The following CSMD1 variants were observed in gnomAD, a reference collection of about 807,000 sequenced individuals.
CSMD1 encodes CUB and sushi domain-containing protein 1.
In CSMD1, 213 loss-of-function variants were observed where a neutral mutation model predicts 417.5. The ratio of observed to expected loss-of-function variants is 0.51; its 90% CI spans 0.46 to 0.57. The LOEUF (loss-of-function observed/expected upper bound fraction) is 0.57, where lower values mean the gene tolerates loss of function less well. Ranked by LOEUF, CSMD1 falls within the 20% of genes least tolerant of loss-of-function variation. CSMD1 has a pLI of 0.00. For synonymous variants in CSMD1, 2,862 were observed against 1,736.8 expected (o/e 1.65, Z -16.11); for missense variants, 6,923 against 4,529.7 (o/e 1.53, Z -15.17).
chr8:4,782,530 A>T (rs1423798713), intron 1 of CSMD1, among the ~76,000 whole-genome samples: 1 of 152,168 alleles, frequency 6.6e-6, no homozygotes, highest in Admixed American at 6.6e-5. Flanking sequence ...CAAAACCATA[A>T]ATATGCTCTA....
At chr8:3,500,407 G>C (rs910826654) in intron 10 of CSMD1, among the ~76,000 whole-genome samples, 19 of 152,102 alleles carry the variant, frequency 1.2e-4, no homozygotes, top group South Asian at 4.1e-4. Flanking sequence ...TGGAGCTTGG[G>C]AGAGGTTCAC....
chr8:4,159,558 T>C (rs899713123), intron 3 of CSMD1, among the ~76,000 whole-genome samples: 27 of 152,282 alleles, frequency 1.8e-4, no homozygotes, highest in African/African-American at 5.1e-4. Context: ...GAATTAATGG[T>C]ATTCACAGCA....
intron 10 of CSMD1, chr8:3,515,142 G>A (rs1416022084): frequency 3.9e-5 from 6 of 152,104 alleles, no homozygotes; most frequent in Admixed American, 2.6e-4. Context: ...TTGAATACAT[G>A]CGAAGGATCA....
intron 1 of CSMD1, among the ~76,000 whole-genome samples, chr8:4,921,161 G>T (rs779962073): frequency 2.0e-5 from 3 of 151,994 alleles, no homozygotes; most frequent in African/African-American, 7.2e-5. Flanking sequence ...TGATGATTAT[G>T]ATGGTGATTT....
At chr8:4,012,001 G>A (rs940039880) in intron 4 of CSMD1, among the ~76,000 whole-genome samples, 1 of 150,404 alleles carries the variant, frequency 6.6e-6, no homozygotes, top group Non-Finnish European at 1.5e-5. Context: ...CTGTTATACT[G>A]TATTGTTTAG....
chr8:4,624,221 C>A (rs17417225), intron 2 of CSMD1, among the ~76,000 whole-genome samples: 36,922 of 151,960 alleles, frequency 0.24, 4,741 homozygotes, highest in Middle Eastern at 0.35. Flanking sequence ...GTCTAAAGCC[C>A]CTGATAACGT....
intron 3 of CSMD1, among the ~76,000 whole-genome samples, chr8:4,315,824 A>C (rs560087370): frequency 6.6e-5 from 10 of 152,278 alleles, no homozygotes; most frequent in Admixed American, 6.5e-4. Flanking sequence ...TATTCTTCAG[A>C]AGCGTTTTCA....
intron 1 of CSMD1, among the ~76,000 whole-genome samples, chr8:4,774,015 G>C (rs144527458): frequency 6.6e-6 from 1 of 152,038 alleles, no homozygotes; most frequent in Admixed American, 6.6e-5. Context: ...GGCCAACATG[G>C]TGAAACCCCA....
At chr8:3,408,424 T>C (rs575770908) in intron 13 of CSMD1, among the ~76,000 whole-genome samples, 199 bp from the exon 14 acceptor site, 48 of 152,288 alleles carry the variant, frequency 3.2e-4, no homozygotes, top group African/African-American at 1.1e-3. Context: ...CATTATCATA[T>C]AGAGCACAAC....
chr8:4,280,412 A>C (rs2128858993), intron 3 of CSMD1, among the ~76,000 whole-genome samples: 1 of 152,370 alleles, frequency 6.6e-6, no homozygotes, highest in African/African-American at 2.4e-5. Flanking sequence ...TCTGACAATT[A>C]AATTTTAGTA....
chr8:3,165,581 G>A lies in CSMD1; in HGVS notation c.5726-3304C>T, dbSNP rs563613282. 2.9e-3 allele frequency among the ~76,000 whole-genome samples: 442 copies of A among 151,946 alleles called. 1 individual carries two copies. The highest frequency in any genetic ancestry group is 5.1e-3 in the African/African-American group (210 of 41,456). On this transcript the variant is annotated intron_variant, in intron 37 of 69. Coordinates refer to ENST00000635120, the MANE Select transcript of CSMD1 (RefSeq NM_033225.6). ...TGAGTAGCTGGGACTACAGGTGCCC[G>A]CCACCACGCCCGGCTAATTTTTTTA... is the stretch of plus-strand genomic sequence containing the variant.
At chr8:3,403,669 G>C (rs1307345692) in intron 15 of CSMD1, among the ~76,000 whole-genome samples, 1 of 152,170 alleles carries the variant, frequency 6.6e-6, no homozygotes, top group African/African-American at 2.4e-5. Flanking sequence ...ACAGAGATGA[G>C]AGTGTAGTGT....
chr8:4,418,547 G>A (rs746642101), intron 3 of CSMD1, among the ~76,000 whole-genome samples: 1 of 152,156 alleles, frequency 6.6e-6, no homozygotes, highest in African/African-American at 2.4e-5. Context: ...TTTCTAAAAT[G>A]TGGAAGCATT....
chr8:3,116,294 G>A (rs764161655), intron 42 of CSMD1, among the ~76,000 whole-genome samples: 2 of 152,006 alleles, frequency 1.3e-5, no homozygotes, highest in African/African-American at 2.4e-5. Flanking sequence ...TTAGGTTTAC[G>A]AGTACTGGTA....
chr8:4,421,432 G>T (rs1438194), intron 2 of CSMD1, among the ~76,000 whole-genome samples: 20,842 of 151,944 alleles, frequency 0.14, 1,591 homozygotes, highest in South Asian at 0.27. Context: ...CATATTCGAG[G>T]CCATAAAACA....
chr8:4,200,262 T>C (rs1432482377), intron 3 of CSMD1, among the ~76,000 whole-genome samples: 2 of 152,206 alleles, frequency 1.3e-5, no homozygotes, highest in African/African-American at 4.8e-5. Flanking sequence ...ACACTGATGA[T>C]AATTACCTTT....
At chr8:4,633,148 G>T (rs375665599) in intron 2 of CSMD1, among the ~76,000 whole-genome samples, 10 of 152,154 alleles carry the variant, frequency 6.6e-5, no homozygotes, top group Admixed American at 6.5e-4. Flanking sequence ...TGAACGCTCA[G>T]GACAGCCTGT....
intron 1 of CSMD1, among the ~76,000 whole-genome samples, chr8:4,944,755 T>A (rs539894833): frequency 6.6e-6 from 1 of 152,038 alleles, no homozygotes; most frequent in Non-Finnish European, 1.5e-5. Context: ...ATAGCAACTG[T>A]TGGCGAGGAT....
intron 26 of CSMD1, among the ~76,000 whole-genome samples, chr8:3,269,575 G>C (rs1801686805): frequency 6.6e-6 from 1 of 152,160 alleles, no homozygotes; most frequent in Non-Finnish European, 1.5e-5. Context: ...ACTATTTACG[G>C]AGAAATCAAT....
Sources: gnomAD v4.1 joint callset for allele counts (sites outside exome capture counted in the v4.1 genomes callset) on GRCh38, gnomAD v4.1.1 for gene constraint, MANE v1.5 for transcripts, NCBI Gene and HGNC (gene_info 2026-07-23, HGNC 2026-07-21) for gene names.